SORBS3: variants seen among roughly 807,000 people sequenced by gnomAD.
SORBS3 encodes the protein vinexin.
In SORBS3, 69 loss-of-function variants were observed where a neutral mutation model predicts 98.0. The observed-to-expected ratio is 0.70, with a 90% CI of 0.58 to 0.86. The LOEUF (loss-of-function observed/expected upper bound fraction) is 0.86. SORBS3 is among the 40% of genes least tolerant of loss of function. SORBS3 has a pLI of 0.00. For missense variants in SORBS3, 954 were observed against 908.5 expected (o/e 1.05, Z -0.64); for synonymous variants, 394 against 355.4 (o/e 1.11, Z -1.22).
At chr8:22,553,222 C>T (rs971703524) in intron 1 of SORBS3, among the ~76,000 whole-genome samples, 33 of 152,276 alleles carry the variant, frequency 2.2e-4, no homozygotes, top group African/African-American at 4.1e-4. Flanking sequence ...GTGGTCCCTC[C>T]GGTGGTCCCC....
chr8:22,551,995 G>C lies in SORBS3; in HGVS notation c.-83G>C. 2 of 985,304 alleles carry C rather than the reference G, an allele frequency of 2.0e-6. No individual in the cohort carries two copies. Among genetic ancestry groups the C allele is most frequent in the Non-Finnish European group, 1.2e-6 (1 of 829,916 alleles). 61.0% of individuals were successfully genotyped at this position (985,304 alleles called of 1,614,324 possible). On this transcript the variant is annotated 5_prime_UTR_variant, in exon 1 of 21. Transcript: ENST00000240123. The surrounding 1 kb of genome is among the most constrained non-coding windows in gnomAD (Gnocchi z 5.8). ...TGCTCCTGCGCTCCCGGGCGGCCTC[G>C]GGCCCAGCCACCTGCTCGCCGGGGA...
Position 22,565,809 on chromosome 8 carries a change from G to T in SORBS3, c.904-17G>T. On this transcript the variant is annotated splice_polypyrimidine_tract_variant and intron_variant, in intron 11 of 20. Transcript: ENST00000240123. The stretch of plus-strand genomic sequence containing the variant: ...TCCCGGGGTCGCGGGCCCTGATTGC[G>T]CCGTTTCCCCGCGCAGAGCTCGCCG... 1 of 1,316,782 alleles carries T rather than the reference G, an allele frequency of 7.6e-7. No homozygotes were observed. The highest frequency in any genetic ancestry group is 9.7e-7 in the Non-Finnish European group (1 of 1,031,148). The allele number at this position is 1,316,782 out of a possible 1,614,324, so 81.6% of individuals were successfully genotyped here.
chr8:22,546,537 A>G lies in SORBS3; in HGVS notation n.144+1408A>G, dbSNP rs147187130. Reference sequence around the variant, plus strand: ...CTCCCAACTCAGAATCCACTCCCCAACCCTGGCCTCCTTCTTACCCAAGTC... The same window carrying G: ...CTCCCAACTCAGAATCCACTCCCCAGCCCTGGCCTCCTTCTTACCCAAGTC... On this transcript the variant is annotated intron_variant and non_coding_transcript_variant, in intron 1 of 4. Coordinates refer to the SORBS3 transcript ENST00000522037. 4.4e-3 allele frequency among the ~76,000 whole-genome samples: 673 copies of G among 152,208 alleles called. 6 individuals carry two copies. Among genetic ancestry groups the G allele is most frequent in the African/African-American group, 0.016 (651 of 41,524 alleles).
At position 22,574,936 on chromosome 8, in the gene SORBS3, C is replaced by A; in HGVS notation, c.*208C>A. The A allele has an allele frequency of 2.9e-6, 2 of 689,842 alleles. No homozygotes were observed. The highest frequency in any genetic ancestry group is 2.3e-4 in the Middle Eastern group (1 of 4,328). 42.7% of individuals were successfully genotyped at this position (689,842 alleles called of 1,614,324 possible). A position where few individuals can be genotyped will look rare whatever the true frequency, so the allele number is the denominator to read the frequency against. On this transcript the variant is annotated 3_prime_UTR_variant, in exon 21 of 21. Coordinates refer to ENST00000240123, the MANE Select transcript of SORBS3 (RefSeq NM_005775.5). ...CGACTCACAGGCATTCCTCCCACAG[C>A]CCTTTCATTTCCTCCCCACCCCACT...
chr8:22,565,378 G>A (rs1282172047), intron 11 of SORBS3, 24 bp downstream of exon 11: 54 of 1,516,522 alleles, frequency 3.6e-5, no homozygotes, highest in Non-Finnish European at 4.8e-5. Context: ...GGGTTCACCC[G>A]CGGGGCACGC....
At chr8:22,551,855 C>G, upstream of SORBS3, 1 of 985,386 alleles carries the variant, frequency 1.0e-6, no homozygotes, top group Non-Finnish European at 1.2e-6. This position sits in a 1 kb window ranked among gnomAD's most constrained non-coding sequence, Gnocchi z 5.8. Flanking sequence ...TCTTCCTGCG[C>G]CGGCGCCCGG....
intron 5 of SORBS3, among the ~76,000 whole-genome samples, chr8:22,559,808 G>A (rs769078601): frequency 3.7e-4 from 57 of 152,058 alleles, no homozygotes; most frequent in African/African-American, 6.3e-4. Context: ...TGCAGTTCAC[G>A]GGACAAGGTC....
Position 22,561,743 on chromosome 8 carries a change from C to G in SORBS3, c.518-122C>G. On this transcript the variant is annotated intron_variant, in intron 6 of 20. Coordinates refer to ENST00000240123, the MANE Select transcript of SORBS3 (RefSeq NM_005775.5). ...CTGAGCACCAACCACCCTGCCCCCA[C>G]CATCCACCCAGGAGCAAGGGGGTGG... The G allele has an allele frequency of 5.8e-6, 5 of 862,388 alleles. No homozygotes were observed. In the South Asian group the frequency reaches 7.4e-5, roughly 13 times the overall value. 53.4% of individuals were successfully genotyped at this position (862,388 alleles called of 1,614,324 possible).
upstream of SORBS3, chr8:22,551,894 C>T: frequency 1.0e-6 from 1 of 985,254 alleles, no homozygotes; most frequent in Non-Finnish European, 1.2e-6. The surrounding 1 kb of genome is among the most constrained non-coding windows in gnomAD (Gnocchi z 5.8). Flanking sequence ...GACCCGGTCA[C>T]GAGGGCCGCG....
chr8:22,566,831 G>C lies in SORBS3; in HGVS notation c.1153G>C (p.Ala385Pro). The stretch of plus-strand genomic sequence containing the variant: ...CCTCTCCCCTGCCTAGAGAAAGGCC[G>C]CCAGGCTCAAGTTTGACTTCCAGGC... The part of the protein sequence containing the change: ...ARREEKKRKA[A>P]RLKFDFQAQS... Residue 385 changes from alanine (A) to proline (P), a missense_variant, in exon 15 of 21, where the codon GCC becomes CCC. Physicochemically the swap from Ala to Pro is conservative, Grantham distance 27. Coordinates refer to ENST00000240123, the MANE Select transcript of SORBS3 (RefSeq NM_005775.5). 1.2e-6 allele frequency: 2 copies of C among 1,613,554 alleles called. No individual in the cohort carries two copies. The highest frequency in any genetic ancestry group is 1.7e-6 in the Non-Finnish European group (2 of 1,179,742).
At chr8:22,569,966 G>A (rs1357218350) in intron 17 of SORBS3, among the ~76,000 whole-genome samples, 2 of 152,172 alleles carry the variant, frequency 1.3e-5, no homozygotes, top group Non-Finnish European at 1.5e-5. Context: ...GTTAGCATGC[G>A]TTGCGAGCAG....
At chr8:22,557,039 A>G in intron 4 of SORBS3, 131 bp downstream of exon 4, 1 of 1,040,772 alleles carries the variant, frequency 9.6e-7, no homozygotes, top group South Asian at 1.5e-5. Context: ...GCAGGGGTTC[A>G]ACCGTGGTGG....
intron 20 of SORBS3, chr8:22,573,386 G>A (rs555612404): frequency 4.8e-4 from 220 of 456,278 alleles, no homozygotes; most frequent in Non-Finnish European, 7.8e-4. Context: ...AGCCACAAGC[G>A]CTTTGAGAGG....
At chr8:22,571,670 C>A in intron 18 of SORBS3, 48 bp from the exon 19 acceptor site, 1 of 1,410,022 alleles carries the variant, frequency 7.1e-7, no homozygotes, top group South Asian at 1.2e-5. Flanking sequence ...TTACATGTAC[C>A]CATCGTCTTC....
At chr8:22,557,992 A>T in intron 4 of SORBS3, 137 bp from the exon 5 acceptor site, 3 of 781,214 alleles carry the variant, frequency 3.8e-6, no homozygotes, top group Non-Finnish European at 7.0e-6. Flanking sequence ...AGAGATCGCA[A>T]GAGAAGCATT....
intron 16 of SORBS3, among the ~76,000 whole-genome samples, chr8:22,567,404 C>T (rs1195260647): frequency 6.6e-6 from 1 of 152,248 alleles, no homozygotes; most frequent in Non-Finnish European, 1.5e-5. Context: ...CAGCAGCCAG[C>T]TCCTCAACCA....
At chr8:22,553,488 C>T (rs1346746250) in intron 1 of SORBS3, among the ~76,000 whole-genome samples, 1 of 152,190 alleles carries the variant, frequency 6.6e-6, no homozygotes, top group South Asian at 2.1e-4. Context: ...AAACTGGGAG[C>T]CCCTTTTTGT....
intron 3 of SORBS3, 148 bp from the exon 4 acceptor site, chr8:22,556,567 G>A (rs749110110): frequency 1.1e-4 from 71 of 672,178 alleles, no homozygotes; most frequent in Non-Finnish European, 1.0e-4. Context: ...ACAGAGGCCC[G>A]TGGTGCTCTG....
At position 22,572,351 on chromosome 8, in the gene SORBS3, T is replaced by C. The variant is rs1005789551; in HGVS notation, c.1859T>C (p.Met620Thr). Reference protein sequence around the residue: ...SQIHWTPYRAMYQYRPQNEDE... With the variant: ...SQIHWTPYRATYQYRPQNEDE... ...TACGCTTCTCGCAGGTACCGGGCGA[T>C]GTACCAGTACAGGCCCCAGAACGAA... The change falls in exon 20 of 21, where the codon ATG (methionine) becomes ACG (threonine). Residue 620 changes from methionine (M) to threonine (T), a missense_variant. Met to Thr is a moderately conservative substitution (Grantham distance 81, BLOSUM62 -1). Coordinates refer to ENST00000240123, the MANE Select transcript of SORBS3 (RefSeq NM_005775.5). 2 of 1,613,872 alleles carry C rather than the reference T, an allele frequency of 1.2e-6. No homozygotes were observed. The highest frequency in any genetic ancestry group is 1.1e-5 in the South Asian group (1 of 91,082).
Sources: allele counts gnomAD v4.1 joint callset (sites outside exome capture counted in the v4.1 genomes callset), GRCh38; gene constraint gnomAD v4.1.1; non-coding constraint Gnocchi (gnomAD v3.1); transcripts MANE v1.5; gene names NCBI Gene and HGNC (gene_info 2026-07-23, HGNC 2026-07-21).